Variants in CNOT4 observed in about 807,000 individuals in gnomAD.
CNOT4 encodes CCR4-NOT transcription complex subunit 4.
In CNOT4, 8 loss-of-function variants were observed where a neutral mutation model predicts 73.8. The observed-to-expected ratio is 0.11, with a 90% CI of 0.06 to 0.20. The LOEUF is 0.20. CNOT4 is among the 10% of genes least tolerant of loss of function. CNOT4 has a pLI of 1.00. For synonymous variants in CNOT4, 293 were observed against 321.1 expected, an observed-to-expected ratio of 0.91 and a Z score of 0.94; for missense variants, 564 against 883.4, an observed-to-expected ratio of 0.64 and a Z score of 4.58.
intron 10 of CNOT4, among the ~76,000 whole-genome samples, chr7:135,382,858 T>C (rs1409349987): frequency 6.6e-6 from 1 of 152,114 alleles, no homozygotes; most frequent in East Asian, 1.9e-4. Flanking sequence ...GACTTGAGAA[T>C]CCAAGAATTT....
intron 7 of CNOT4, among the ~76,000 whole-genome samples, chr7:135,399,898 G>A (rs886827782): frequency 6.6e-6 from 1 of 152,046 alleles, no homozygotes; most frequent in African/African-American, 2.4e-5. Flanking sequence ...AGAAGTATTT[G>A]GGGGAAAGAA....
At chr7:135,408,696 G>A (rs1223374908) in intron 7 of CNOT4, among the ~76,000 whole-genome samples, 1 of 152,084 alleles carries the variant, frequency 6.6e-6, no homozygotes, top group Non-Finnish European at 1.5e-5. Context: ...TTCACTTAAC[G>A]TGCACAGCTT....
chr7:135,405,134 G>A (rs180708418), intron 7 of CNOT4, among the ~76,000 whole-genome samples: 94 of 152,210 alleles, frequency 6.2e-4, no homozygotes, highest in Non-Finnish European at 1.1e-3. Context: ...ATTTGTGTGG[G>A]ATACTGGTAA....
At chr7:135,430,422 GAGGGCAGTAGTTC>G (rs1798743871) in intron 2 of CNOT4, among the ~76,000 whole-genome samples, 1 of 152,158 alleles carries the variant, frequency 6.6e-6, no homozygotes, top group African/African-American at 2.4e-5. Context: ...AGGAACACCT[GAGGGCAGTAGTTC>G]AAGACCAACC....
chr7:135,419,242 G>A (rs776373261), intron 3 of CNOT4, among the ~76,000 whole-genome samples: 1 of 150,766 alleles, frequency 6.6e-6, no homozygotes, highest in African/African-American at 2.4e-5. Flanking sequence ...AGCTTTAATT[G>A]TTCCTAAACT....
intron 6 of CNOT4, among the ~76,000 whole-genome samples, chr7:135,411,741 C>T (rs767555888): frequency 3.3e-5 from 5 of 151,838 alleles, no homozygotes; most frequent in South Asian, 2.1e-4. Flanking sequence ...AAAACCAAAA[C>T]GGAACAAATC....
rs188008429 is a variant in CNOT4 at position 135,479,672 on chromosome 7, A to G, written c.-93+30217T>C. Among the ~76,000 whole-genome samples the G allele has an allele frequency of 2.1e-3, 326 of 152,210 alleles. 1 individual carries two copies. The highest frequency in any genetic ancestry group is 7.0e-3 in the African/African-American group (292 of 41,558). On this transcript the variant is annotated intron_variant, in intron 1 of 11. Transcript: ENST00000541284. The stretch of plus-strand genomic sequence containing the variant: ...CAGTGCTTTGGGAGGCGGAGGCAGG[A>G]GGATGGCTTGAGTTCAGGAGTTTGA...
chr7:135,469,086 T>C (rs1249544814), intron 1 of CNOT4, among the ~76,000 whole-genome samples: 7 of 152,138 alleles, frequency 4.6e-5, no homozygotes, highest in Admixed American at 2.0e-4. Flanking sequence ...GGAGGATAGA[T>C]AATTATTGAT....
chr7:135,505,421 G>C (rs1392173351), intron 1 of CNOT4, among the ~76,000 whole-genome samples: 2 of 152,030 alleles, frequency 1.3e-5, no homozygotes, highest in Admixed American at 6.6e-5. Context: ...GTGTGGTGGC[G>C]GACATCTGTA....
At chr7:135,431,411 T>C (rs911393342) in intron 2 of CNOT4, among the ~76,000 whole-genome samples, 12 of 152,282 alleles carry the variant, frequency 7.9e-5, no homozygotes, top group African/African-American at 2.9e-4. Flanking sequence ...CATTCAAAAG[T>C]GGTACATTAG....
At chr7:135,387,241 A>C (rs1398116041) in intron 10 of CNOT4, 1 of 984,362 alleles carries the variant, frequency 1.0e-6, no homozygotes, top group Non-Finnish European at 1.2e-6. Flanking sequence ...GATAGAAATT[A>C]GAGATTGATG....
chr7:135,497,019 G>T (rs1563084431), intron 1 of CNOT4, among the ~76,000 whole-genome samples: 1 of 151,622 alleles, frequency 6.6e-6, no homozygotes, highest in Admixed American at 6.6e-5. Context: ...AATTGCCCAA[G>T]ATGGTCTTGA....
intron 2 of CNOT4, among the ~76,000 whole-genome samples, chr7:135,424,021 AAAAC>A (rs201598462): frequency 3.5e-4 from 52 of 148,864 alleles, no homozygotes; most frequent in Middle Eastern, 3.5e-3. Context: ...AAAAGCCACC[AAAAC>A]AAACAAACAA....
intron 1 of CNOT4, 90 bp downstream of exon 1, chr7:135,509,799 G>A (rs915746711): frequency 5.4e-6 from 2 of 372,394 alleles, no homozygotes; most frequent in East Asian, 3.9e-5. Context: ...AGAAAGGGGG[G>A]TGCGGCCTGT....
rs1311264311 is a variant in CNOT4, at chr7:135,364,969, T to A, written c.1628-903A>T. 2.6e-5 allele frequency among the ~76,000 whole-genome samples: 4 copies of A among 152,264 alleles called. No individual in the cohort carries two copies. The highest frequency in any genetic ancestry group is 5.9e-5 in the Non-Finnish European group (4 of 68,046). On this transcript the variant is annotated intron_variant, in intron 10 of 11. Coordinates refer to ENST00000541284, the MANE Select transcript of CNOT4 (RefSeq NM_001190850.2). The surrounding 1 kb of genome is among the most constrained non-coding windows in gnomAD (Gnocchi z 4.3). ...AACAAATACTTAGATAGTTGTTTTA[T>A]TTTTGAAAATAGCAATGTAAGTCAA...
intron 1 of CNOT4, among the ~76,000 whole-genome samples, chr7:135,464,302 A>C (rs1372087687): frequency 6.6e-6 from 1 of 152,216 alleles, no homozygotes; most frequent in Non-Finnish European, 1.5e-5. Context: ...CCCATCAATG[A>C]CAGATTAAAG....
At chr7:135,393,081 A>C (rs1469564139) in intron 10 of CNOT4, among the ~76,000 whole-genome samples, 1 of 152,162 alleles carries the variant, frequency 6.6e-6, no homozygotes, top group Non-Finnish European at 1.5e-5. Context: ...GAGAGGAACA[A>C]ACTTTTTTTA....
intron 5 of CNOT4, 150 bp from the exon 6 acceptor site, chr7:135,413,763 A>C: frequency 1.6e-6 from 1 of 630,300 alleles, no homozygotes; most frequent in Non-Finnish European, 2.6e-6. Context: ...AGAGAACTAA[A>C]CTCTTATTAG....
chr7:135,407,796 G>C (rs936193800), intron 7 of CNOT4, among the ~76,000 whole-genome samples: 4 of 152,148 alleles, frequency 2.6e-5, no homozygotes, highest in African/African-American at 9.7e-5. Context: ...GAAGTTCTGG[G>C]ATTACAGGCA....
Sources: allele counts gnomAD v4.1 joint callset (sites outside exome capture counted in the v4.1 genomes callset), GRCh38; gene constraint gnomAD v4.1.1; non-coding constraint Gnocchi (gnomAD v3.1); transcripts MANE v1.5; gene names NCBI Gene and HGNC (gene_info 2026-07-23, HGNC 2026-07-21).